RGS7BP: variants seen among roughly 807,000 people sequenced by gnomAD.
RGS7BP encodes the protein regulator of G protein signaling 7 binding protein.
A neutral mutation model predicts 31.3 loss-of-function variants in RGS7BP; 9 were observed. That is an observed-to-expected ratio of 0.29 (90% CI 0.17 to 0.50). The LOEUF (loss-of-function observed/expected upper bound fraction) is 0.50. RGS7BP is among the 20% of genes least tolerant of loss of function. The pLI is 0.98. For synonymous variants in RGS7BP, 115 were observed against 120.1 expected (o/e 0.96, Z 0.28); for missense variants, 274 against 322.0 (o/e 0.85, Z 1.14).
intron 2 of RGS7BP, among the ~76,000 whole-genome samples, chr5:64,530,600 A>C (rs1749345336): frequency 6.6e-6 from 1 of 152,178 alleles, no homozygotes. Flanking sequence ...TATACTTTCC[A>C]CTGTGCCATG....
intron 5 of RGS7BP, among the ~76,000 whole-genome samples, chr5:64,606,644 A>G (rs1221156455): frequency 6.6e-6 from 1 of 152,112 alleles, no homozygotes; most frequent in Non-Finnish European, 1.5e-5. Flanking sequence ...TAGGTTAAGT[A>G]CATTGATCAA....
At chr5:64,587,091 A>G (rs1372444525) in intron 3 of RGS7BP, among the ~76,000 whole-genome samples, 1 of 152,086 alleles carries the variant, frequency 6.6e-6, no homozygotes, top group Non-Finnish European at 1.5e-5. Context: ...GGTCAGGGGG[A>G]AAACAAGGAA....
intron 5 of RGS7BP, among the ~76,000 whole-genome samples, chr5:64,600,143 C>T (rs182262994): frequency 6.6e-6 from 1 of 152,296 alleles, no homozygotes; most frequent in East Asian, 1.9e-4. Context: ...ACTTTAGATC[C>T]ACAGCTCATG....
At chr5:64,539,691 G>A (rs1372837056) in intron 2 of RGS7BP, 3 of 152,142 alleles carry the variant, frequency 2.0e-5, no homozygotes, top group South Asian at 2.1e-4. Flanking sequence ...AACAGCCTAG[G>A]TTGTAAATGG....
At chr5:64,519,259 T>C (rs1346395349) in intron 2 of RGS7BP, among the ~76,000 whole-genome samples, 4 of 152,170 alleles carry the variant, frequency 2.6e-5, no homozygotes, top group African/African-American at 9.7e-5. Flanking sequence ...ATTTCCCTCT[T>C]AGTTCGTTTG....
At position 64,507,774 on chromosome 5, in the gene RGS7BP, G is replaced by A. The variant is rs770730944; in HGVS notation, c.229G>A (p.Val77Ile). 6 of 1,613,774 alleles carry A rather than the reference G, an allele frequency of 3.7e-6. No individual in the cohort carries two copies. In the African/African-American group the frequency reaches 5.3e-5, roughly 14 times the overall value. Residue 77 changes from valine to isoleucine, a missense_variant, in exon 2 of 6, where the codon GTC (valine) becomes ATC (isoleucine). Val to Ile is a conservative substitution (Grantham distance 29). This residue lies in a region of RGS7BP where 149 missense variants were observed against 152.6 expected (regional missense o/e 0.98). Transcript: ENST00000334025. The stretch of plus-strand genomic sequence containing the variant: ...AGAGCTGGTCATTTCTATTGGGGAT[G>A]TCTCGGTCAGCTGCCCCTCACTCCG... ...YRELVISIGD[V>I]SVSCPSLRAE...
chr5:64,536,443 A>G (rs953188754), intron 2 of RGS7BP, among the ~76,000 whole-genome samples: 1 of 152,228 alleles, frequency 6.6e-6, no homozygotes, highest in Non-Finnish European at 1.5e-5. Context: ...GCACGCGTTC[A>G]CAATAAAAAA....
chr5:64,581,931 G>T (rs1167973544), intron 3 of RGS7BP, among the ~76,000 whole-genome samples: 4 of 152,164 alleles, frequency 2.6e-5, no homozygotes, highest in African/African-American at 9.6e-5. Context: ...GTAACGTGAG[G>T]TAAAATCTAC....
chr5:64,542,445 C>A (rs1741549966), intron 2 of RGS7BP, among the ~76,000 whole-genome samples: 1 of 152,184 alleles, frequency 6.6e-6, no homozygotes, highest in South Asian at 2.1e-4. Context: ...GGACTACCTC[C>A]CAATCTCTAG....
intron 2 of RGS7BP, among the ~76,000 whole-genome samples, chr5:64,510,977 G>A (rs1748817478): frequency 6.6e-6 from 1 of 152,200 alleles, no homozygotes; most frequent in Non-Finnish European, 1.5e-5. Flanking sequence ...TACCAATACA[G>A]ACTCCCACTT....
At chr5:64,598,187 C>T (rs1015914924) in intron 4 of RGS7BP, among the ~76,000 whole-genome samples, 178 bp from the exon 5 acceptor site, 17 of 152,188 alleles carry the variant, frequency 1.1e-4, no homozygotes, top group African/African-American at 4.1e-4. Flanking sequence ...TGAGCCAACC[C>T]ATCTCAGATT....
At chr5:64,584,099 T>C (rs951528291) in intron 3 of RGS7BP, among the ~76,000 whole-genome samples, 2 of 152,182 alleles carry the variant, frequency 1.3e-5, no homozygotes, top group Non-Finnish European at 2.9e-5. Flanking sequence ...ACTAGACCAT[T>C]CTTACTAAGC....
chr5:64,558,358 C>T (rs2111855038), intron 2 of RGS7BP, among the ~76,000 whole-genome samples: 1 of 152,210 alleles, frequency 6.6e-6, no homozygotes, highest in Non-Finnish European at 1.5e-5. Flanking sequence ...CAAATTAATA[C>T]TTTTATAATT....
intron 2 of RGS7BP, among the ~76,000 whole-genome samples, chr5:64,511,359 C>T (rs144267262): frequency 3.7e-4 from 57 of 152,294 alleles, no homozygotes; most frequent in African/African-American, 1.4e-3. Context: ...TACAAAGTAT[C>T]CTCTGACTGT....
chr5:64,552,777 A>G (rs552868654), intron 2 of RGS7BP, among the ~76,000 whole-genome samples: 8 of 152,190 alleles, frequency 5.3e-5, no homozygotes, highest in African/African-American at 1.7e-4. Context: ...GGGTCTTGCT[A>G]TGTTGCCCAG....
At chr5:64,573,273 C>A (rs994347330) in intron 2 of RGS7BP, among the ~76,000 whole-genome samples, 46 of 152,058 alleles carry the variant, frequency 3.0e-4, no homozygotes, top group African/African-American at 1.1e-3. Context: ...GCACCTAATA[C>A]ATTGCTTTAC....
At chr5:64,576,879 G>T (rs998151073) in intron 3 of RGS7BP, among the ~76,000 whole-genome samples, 5 of 152,274 alleles carry the variant, frequency 3.3e-5, no homozygotes, top group African/African-American at 1.2e-4. Context: ...CTAGAATACA[G>T]TGTTTTTGTG....
rs1387139919 is a variant in RGS7BP at position 64,519,337 on chromosome 5, A to G, written c.332+11460A>G. ...TGTGCAAACCTCCAGAAGCATAAAG[A>G]TGAATCAACATGGCCCTTGCCCCTG... On this transcript the variant is annotated intron_variant, in intron 2 of 5. Transcript: ENST00000334025. Among the ~76,000 whole-genome samples the G allele has an allele frequency of 2.6e-5, 4 of 152,374 alleles. No homozygotes were observed. In the East Asian group the frequency reaches 7.7e-4, roughly 29 times the overall value.
intron 2 of RGS7BP, among the ~76,000 whole-genome samples, chr5:64,556,130 A>G (rs1467363900): frequency 1.3e-5 from 2 of 152,030 alleles, no homozygotes; most frequent in African/African-American, 4.8e-5. Context: ...CAATCGGTAC[A>G]TTGCTTCACC....
Sources: allele counts gnomAD v4.1 joint callset (sites outside exome capture counted in the v4.1 genomes callset), GRCh38; gene constraint gnomAD v4.1.1; regional missense constraint gnomAD v4.1.1; transcripts MANE v1.5; gene names NCBI Gene and HGNC (gene_info 2026-07-23, HGNC 2026-07-21).